The following ESPL1 variants were observed in gnomAD, a reference collection of about 807,000 sequenced individuals.
ESPL1 encodes the protein extra spindle pole bodies like 1, separase, also known as separin.
In ESPL1, 50 loss-of-function variants were observed where a neutral mutation model predicts 217.2. That is an observed-to-expected ratio of 0.23 (90% CI 0.18 to 0.29). The LOEUF (loss-of-function observed/expected upper bound fraction) is 0.29. Among genes scored for constraint, ESPL1 ranks in the 10% least tolerant of loss-of-function variants. The pLI, the probability that ESPL1 is intolerant of heterozygous loss-of-function variation, is 1.00. For missense variants in ESPL1, 1,834 were observed against 2,603.0 expected (o/e 0.70, Z 6.43); for synonymous variants, 994 against 1,081.3 (o/e 0.92, Z 1.58).
Position 53,292,749 on chromosome 12 carries a change from A to T in ESPL1, c.5997-57A>T. On this transcript the variant is annotated intron_variant, in intron 29 of 30. Transcript: ENST00000257934. This position sits in a 1 kb window ranked among gnomAD's most constrained non-coding sequence, Gnocchi z 4.5. The stretch of plus-strand genomic sequence containing the variant: ...TTGGGACTTGAGAGCCTCTGAAGAC[A>T]CAGGCAGAGGCCAGGTATTACTAGC... The T allele has an allele frequency of 6.2e-7, 1 of 1,602,398 alleles. No individual in the cohort carries two copies. The highest frequency in any genetic ancestry group is 8.5e-7 in the Non-Finnish European group (1 of 1,173,768).
At position 53,281,618 on chromosome 12, in the gene ESPL1, C is replaced by G; in HGVS notation, c.2611C>G (p.His871Asp). The change falls in exon 13 of 31, where the codon CAC (histidine) becomes GAC (aspartate). Residue 871 changes from histidine to aspartate, a missense_variant. Physicochemically the swap from His to Asp is moderately conservative, Grantham distance 81. Coordinates refer to ENST00000257934, the MANE Select transcript of ESPL1 (RefSeq NM_012291.5). ...DLLRSQLYWT[H>D]QKVTKGVSLL... is the part of the protein sequence containing the mutation. ...GCTTCGAAGTCAACTCTACTGGACT[C>G]ACCAGAAGGTATTTCTCACTTTCTT... 1 of 1,613,020 alleles carries G rather than the reference C, an allele frequency of 6.2e-7. No homozygotes were observed. Among genetic ancestry groups the G allele is most frequent in the Non-Finnish European group, 8.5e-7 (1 of 1,179,484 alleles).
At position 53,269,479 on chromosome 12, in the gene ESPL1, G is replaced by A. The variant is rs2120869942; in HGVS notation, c.537G>A (p.Glu179=). 1 of 1,614,226 alleles carries A rather than the reference G, an allele frequency of 6.2e-7. No homozygotes were observed. Among genetic ancestry groups the A allele is most frequent in the Non-Finnish European group, 8.5e-7 (1 of 1,180,024 alleles). ...LKALSFLVLL[E]DESTPCEVPH... is the part of the protein sequence containing the mutation. ...CCTTGAGCTTCCTAGTACTCTTGGA[G>A]GATGAAAGTACCCCTTGTGAGGTTC... Residue 179 remains glutamate, a synonymous_variant, in exon 3 of 31, where the codon GAG becomes GAA. Transcript: ENST00000257934. The surrounding 1 kb of genome is among the most constrained non-coding windows in gnomAD (Gnocchi z 6.7).
chr12:53,284,252 C>CT, intron 17 of ESPL1, 85 bp downstream of exon 17: 2 of 890,794 alleles, frequency 2.2e-6, no homozygotes, highest in Non-Finnish European at 1.9e-6. Flanking sequence ...GTTTCGTTGC[C>CT]TTTTTTTATT....
intron 22 of ESPL1, 115 bp from the exon 23 acceptor site, chr12:53,289,970 G>A: frequency 8.3e-7 from 1 of 1,202,300 alleles, no homozygotes; most frequent in Non-Finnish European, 1.2e-6. Flanking sequence ...GACCTCTAGT[G>A]ACCAGGGAAG....
In ESPL1 at chr12:53,289,156, C is replaced by G; in HGVS notation, c.4775C>G (p.Pro1592Arg). ...SVAFRGISHC[P>R]PSGLYAHLCR... ...GCTTTCCGGGGCATTAGTCACTGTC[C>G]TCCTAGTGGGCTCTATGCCCACCTC... is the stretch of plus-strand genomic sequence containing the variant. The change falls in exon 21 of 31, where the codon CCT (proline) becomes CGT (arginine). Residue 1592 changes from proline to arginine, a missense_variant. Pro to Arg is a moderately radical substitution (Grantham distance 103, BLOSUM62 -2). Coordinates refer to ENST00000257934, the MANE Select transcript of ESPL1 (RefSeq NM_012291.5). The G allele has an allele frequency of 6.2e-7, 1 of 1,614,188 alleles. No individual in the cohort carries two copies. Among genetic ancestry groups the G allele is most frequent in the Non-Finnish European group, 8.5e-7 (1 of 1,180,020 alleles).
In ESPL1 at chr12:53,286,670, G is replaced by A; in HGVS notation, c.3934G>A (p.Gly1312Ser). ...TGGCTCAGAGCCCTCTAAGACTCAG[G>A]GCCAAAAACGTTCTGGACGAGGGCG... ...VPGSEPSKTQ[G>S]QKRSGRGRQK... The change falls in exon 18 of 31, where the codon GGC (glycine) becomes AGC (serine). Residue 1312 changes from glycine to serine, a missense_variant. Physicochemically the swap from Gly to Ser is moderately conservative, Grantham distance 56. Transcript: ENST00000257934. This position sits in a 1 kb window ranked among gnomAD's most constrained non-coding sequence, Gnocchi z 5.3. The A allele has an allele frequency of 6.2e-7, 1 of 1,614,130 alleles. No individual in the cohort carries two copies. Among genetic ancestry groups the A allele is most frequent in the Non-Finnish European group, 8.5e-7 (1 of 1,180,030 alleles).
In ESPL1 at chr12:53,279,859, A is replaced by T. The variant is rs1943832792; in HGVS notation, c.2492A>T (p.Tyr831Phe). 3 of 1,595,850 alleles carry T rather than the reference A, an allele frequency of 1.9e-6. No individual in the cohort carries two copies. The highest frequency in any genetic ancestry group is 1.3e-5 in the African/African-American group (1 of 74,476). The change falls in exon 12 of 31, where the codon TAT (tyrosine) becomes TTT (phenylalanine). Residue 831 changes from tyrosine to phenylalanine, a missense_variant. Transcript: ENST00000257934. Reference protein sequence around the residue: ...QLLLTLGCPSYAQLHLEEAAS... With the variant: ...QLLLTLGCPSFAQLHLEEAAS... ...CTCCTGACCCTCGGCTGTCCCAGCT[A>T]TGCCCAGGTGAGTGCCCAACCAGCC...
chr12:53,270,419 G>A lies in ESPL1; in HGVS notation c.1185G>A (p.Gln395=). 1 of 1,614,018 alleles carries A rather than the reference G, an allele frequency of 6.2e-7. No individual in the cohort carries two copies. The highest frequency in any genetic ancestry group is 8.5e-7 in the Non-Finnish European group (1 of 1,179,958). The change falls in exon 4 of 31, where the codon CAG becomes CAA. Residue 395 remains glutamine (Q), a synonymous_variant. Transcript: ENST00000257934. ...GSSKQQQSFL[Q]MYFQGLHLYT... ...CCAAGCAACAGCAGTCTTTTCTTCA[G>A]ATGTACTTTCAGGGACTTCACCTCT...
chr12:53,289,844 C>A (rs1944020881), intron 22 of ESPL1: 2 of 605,116 alleles, frequency 3.3e-6, no homozygotes. Flanking sequence ...TCTGTGCTAA[C>A]ATGAAACATA....
In ESPL1 at chr12:53,290,986, C is replaced by T. The variant is rs138467141; in HGVS notation, c.5510C>T (p.Thr1837Ile). The change falls in exon 25 of 31, where the codon ACT becomes ATT. Residue 1837 changes from threonine to isoleucine, a missense_variant. Coordinates refer to ENST00000257934, the MANE Select transcript of ESPL1 (RefSeq NM_012291.5). The stretch of plus-strand genomic sequence containing the variant: ...TGTGGCTGGAAATATCCTGACCGCA[C>T]TCTGCTGAAAGTGAGTGAGGAAAGC... ...QDCGWKYPDR[T>I]LLKIMLSGAG... 6 of 1,589,186 alleles carry T rather than the reference C, an allele frequency of 3.8e-6. No homozygotes were observed. The African/African-American group carries it at 8.1e-5, about 21-fold the overall frequency.
chr12:53,269,937 C>A lies in ESPL1; in HGVS notation c.995C>A (p.Pro332Gln). Residue 332 changes from proline (P) to glutamine (Q), a missense_variant, in exon 3 of 31, where the codon CCA becomes CAA. By Grantham distance (76) the Pro-to-Gln change is moderately conservative (BLOSUM62 -1). Around this residue, in one of 5 missense-constraint regions of ESPL1, gnomAD observed 746 missense variants for 1,077.0 expected, o/e 0.69. Coordinates refer to ENST00000257934, the MANE Select transcript of ESPL1 (RefSeq NM_012291.5). This position sits in a 1 kb window ranked among gnomAD's most constrained non-coding sequence, Gnocchi z 6.7. Reference protein sequence around the residue: ...LSKSMEAPSPPLRALYESCQF... With the variant: ...LSKSMEAPSPQLRALYESCQF... ...AAGAGTATGGAGGCACCATCACCCC[C>A]ACTTCGGGCATTGTATGAGAGCTGC... The A allele has an allele frequency of 5.0e-6, 8 of 1,614,230 alleles. No individual in the cohort carries two copies. Among genetic ancestry groups the A allele is most frequent in the South Asian group, 4.4e-5 (4 of 91,092 alleles).
intron 18 of ESPL1, 110 bp downstream of exon 18, chr12:53,287,022 G>A: frequency 9.0e-7 from 1 of 1,108,608 alleles, no homozygotes; most frequent in South Asian, 1.6e-5. Flanking sequence ...CCAGGGCCTA[G>A]TGGAACTTTA....
At chr12:53,270,934 A>G (rs1428124917) in intron 5 of ESPL1, 136 bp downstream of exon 5, 7 of 886,262 alleles carry the variant, frequency 7.9e-6, no homozygotes, top group Non-Finnish European at 1.2e-5. Flanking sequence ...AGAAATGTTT[A>G]TAAGTACCAG....
Position 53,292,520 on chromosome 12 carries a change from C to T in ESPL1, c.5913-54C>T, listed in dbSNP as rs925240131. The T allele has an allele frequency of 1.0e-5, 15 of 1,506,344 alleles. No individual in the cohort carries two copies. The African/African-American group carries it at 1.9e-4, about 19-fold the overall frequency. 93.3% of individuals were successfully genotyped at this position (1,506,344 alleles called of 1,614,324 possible). A position where few individuals can be genotyped will look rare whatever the true frequency, so the allele number is the denominator to read the frequency against. ...CTAATGATCCCTCTGCTGTCTTTGC[C>T]ACCTGACCCCTGCCATGCATTTCCC... On this transcript the variant is annotated intron_variant, in intron 28 of 30. Transcript: ENST00000257934. The surrounding 1 kb of genome is among the most constrained non-coding windows in gnomAD (Gnocchi z 4.5).
In ESPL1 at chr12:53,292,453, A is replaced by AAGCCTT; in HGVS notation, c.5912+61_5912+66dup. ...AGGGTAGACAACATACAGGGGCAACAAGCCTTTTCTCCAGAAACAGCTGTT... is the reference window on the plus strand; with the variant it reads ...AGGGTAGACAACATACAGGGGCAACAAGCCTTAGCCTTTTCTCCAGAAACAGCTGTT... On this transcript the variant is annotated intron_variant, in intron 28 of 30. Coordinates refer to ENST00000257934, the MANE Select transcript of ESPL1 (RefSeq NM_012291.5). This position sits in a 1 kb window ranked among gnomAD's most constrained non-coding sequence, Gnocchi z 4.5. 1 of 1,430,440 alleles carries AAGCCTT rather than the reference A, an allele frequency of 7.0e-7. No homozygotes were observed. The highest frequency in any genetic ancestry group is 9.9e-7 in the Non-Finnish European group (1 of 1,012,600). The allele number at this position is 1,430,440 out of a possible 1,614,324, so 88.6% of individuals were successfully genotyped here. A position where few individuals can be genotyped will look rare whatever the true frequency, so the allele number is the denominator to read the frequency against.
In ESPL1 at chr12:53,269,903, G is replaced by A; in HGVS notation, c.961G>A (p.Val321Ile). 1 of 1,614,222 alleles carries A rather than the reference G, an allele frequency of 6.2e-7. No individual in the cohort carries two copies. Among genetic ancestry groups the A allele is most frequent in the Non-Finnish European group, 8.5e-7 (1 of 1,180,032 alleles). ...VAKLLIKASA[V>I]LSKSMEAPSP... is the part of the protein sequence containing the mutation. ...CAAGCTTCTGATCAAGGCATCAGCT[G>A]TCCTGAGCAAGAGTATGGAGGCACC... Residue 321 changes from valine to isoleucine, a missense_variant, in exon 3 of 31, where the codon GTC becomes ATC. Val to Ile is a conservative substitution (Grantham distance 29, BLOSUM62 3). Transcript: ENST00000257934. The surrounding 1 kb of genome is among the most constrained non-coding windows in gnomAD (Gnocchi z 6.7).
intron 20 of ESPL1, 146 bp from the exon 21 acceptor site, chr12:53,288,944 C>A: frequency 1.4e-6 from 1 of 734,608 alleles, no homozygotes; most frequent in Non-Finnish European, 2.3e-6. Context: ...AGTTGCATGG[C>A]ACCCCACTTG....
chr12:53,272,277 G>C (rs1206126585), intron 5 of ESPL1, among the ~76,000 whole-genome samples: 1 of 152,114 alleles, frequency 6.6e-6, no homozygotes, highest in African/African-American at 2.4e-5. Context: ...AGAAATGTGG[G>C]GGAAAGGAAA....
At chr12:53,291,443 T>A (rs1944058042) in intron 25 of ESPL1, among the ~76,000 whole-genome samples, 1 of 151,766 alleles carries the variant, frequency 6.6e-6, no homozygotes, top group Non-Finnish European at 1.5e-5. Context: ...ATACAAAAAT[T>A]AGCTGGGCTT....
Sources: gnomAD v4.1 joint callset for allele counts (sites outside exome capture counted in the v4.1 genomes callset) on GRCh38, gnomAD v4.1.1 for gene constraint, gnomAD v4.1.1 regional missense constraint, Gnocchi (gnomAD v3.1) non-coding constraint, MANE v1.5 for transcripts, NCBI Gene and HGNC (gene_info 2026-07-23, HGNC 2026-07-21) for gene names.